The following ZNF185 variants were observed in gnomAD, a reference collection of about 807,000 sequenced individuals.
The protein encoded by ZNF185 is zinc finger protein 185.
A neutral mutation model predicts 58.6 loss-of-function variants in ZNF185; 56 were observed. The ratio of observed to expected loss-of-function variants is 0.95; its 90% CI spans 0.77 to 1.19. The LOEUF (loss-of-function observed/expected upper bound fraction) is 1.19. Among genes scored for constraint, ZNF185 ranks in the 50% most tolerant of loss-of-function variants. The probability of loss-of-function intolerance (pLI) is 0.00; values close to 1 mark genes in which losing one functional copy is unlikely to be tolerated. For missense variants in ZNF185, 627 were observed against 573.5 expected (o/e 1.09, Z -0.95); for synonymous variants, 230 against 215.9 (o/e 1.07, Z -0.57).
At chrX:152,921,190 G>A (rs528167035) in intron 9 of ZNF185, among the ~76,000 whole-genome samples, 3 of 112,078 alleles carry the variant, frequency 2.7e-5, no homozygotes, top group African/African-American at 9.7e-5. Flanking sequence ...TCAGAACGTC[G>A]GGATACTCCA....
intron 14 of ZNF185, among the ~76,000 whole-genome samples, chrX:152,937,573 G>C (rs1469199876): frequency 8.9e-6 from 1 of 111,957 alleles, no homozygotes. Flanking sequence ...GCTATGTTGA[G>C]CTGAGCCAAG....
Position 152,917,335 on chromosome X carries a change from T to C in ZNF185, c.314T>C (p.Phe105Ser), listed in dbSNP as rs782056168. ...AGCTCTTCCCAGCCCCAGCAGCAGT[T>C]CCCCAAGGCCAACGGGACTCCAAAA... Residue 105 changes from phenylalanine to serine, a missense_variant, in exon 5 of 23, where the codon TTC becomes TCC. By Grantham distance (155) the Phe-to-Ser change is radical. Transcript: ENST00000449285. 54 of 1,210,125 alleles carry C rather than the reference T, an allele frequency of 4.5e-5. No individual in the cohort carries two copies. The highest frequency in any genetic ancestry group is 5.5e-5 in the Non-Finnish European group (49 of 895,221).
rs782482325 is a variant in ZNF185 at position 152,924,661 on chromosome X, C to G, written c.830+1852C>G. Among the ~76,000 whole-genome samples the G allele has an allele frequency of 2.7e-5, 3 of 111,672 alleles. No individual in the cohort carries two copies. In the Admixed American group the frequency reaches 2.8e-4, roughly 11 times the overall value. ...GAAAGGCAATAAATGGTTTCAGGTGCCTTTCTGTTTGTTCGTTTGTTTGTT... is the reference window on the plus strand; with the variant it reads ...GAAAGGCAATAAATGGTTTCAGGTGGCTTTCTGTTTGTTCGTTTGTTTGTT... On this transcript the variant is annotated intron_variant, in intron 11 of 22. Transcript: ENST00000449285.
intron 14 of ZNF185, among the ~76,000 whole-genome samples, chrX:152,934,919 G>A (rs2046086897): frequency 8.9e-6 from 1 of 111,911 alleles, no homozygotes; most frequent in African/African-American, 3.2e-5. Context: ...AACCTCTGGG[G>A]CTCAAGGGAT....
intron 22 of ZNF185, among the ~76,000 whole-genome samples, chrX:152,970,768 C>T (rs782542231): frequency 7.2e-5 from 8 of 111,248 alleles, no homozygotes; most frequent in Non-Finnish European, 9.4e-5. Context: ...TCACACCTTC[C>T]GTCCAGCACC....
intron 16 of ZNF185, among the ~76,000 whole-genome samples, chrX:152,948,887 C>T: frequency 9.0e-6 from 1 of 111,465 alleles, no homozygotes; most frequent in South Asian, 3.8e-4. Flanking sequence ...AATGGGATCT[C>T]CAGTGGCAGT....
At chrX:152,931,859 G>C (rs1306341131) in intron 13 of ZNF185, 83 bp downstream of exon 14, 3 of 848,615 alleles carry the variant, frequency 3.5e-6, no homozygotes, top group Non-Finnish European at 1.6e-6. Flanking sequence ...CATGGCCTCC[G>C]GTGCAATGTC....
At chrX:152,911,606 CCCCA>C (rs1388044961), upstream of ZNF185, among the ~76,000 whole-genome samples, 1 of 48,619 alleles carries the variant, frequency 2.1e-5, no homozygotes, top group Non-Finnish European at 3.7e-5. Context: ...CATTTGCCCA[CCCCA>C]CCCACCCCAC....
the ZNF185 span, among the ~76,000 whole-genome samples, chrX:152,901,410 G>C: frequency 9.3e-6 from 1 of 107,864 alleles, no homozygotes; most frequent in East Asian, 2.9e-4. Flanking sequence ...GTGCCACCAT[G>C]CCAGCACTGT....
At chrX:152,898,702 TG>T in the ZNF185 span, among the ~76,000 whole-genome samples, 1 of 112,224 alleles carries the variant, frequency 8.9e-6, no homozygotes, top group African/African-American at 3.2e-5. Flanking sequence ...GTGAGGTGCA[TG>T]TGCTGGGTAC....
chrX:152,940,975 C>G, intron 15 of ZNF185, among the ~76,000 whole-genome samples: 1 of 112,080 alleles, frequency 8.9e-6, no homozygotes, highest in East Asian at 2.8e-4. Context: ...TGACCTTCCC[C>G]TTTCTCATCA....
chrX:152,962,128 A>T lies in ZNF185; in HGVS notation c.1608-1711A>T, dbSNP rs2049561632. On this transcript the variant is annotated intron_variant, in intron 17 of 22. Coordinates refer to ENST00000449285, the Ensembl canonical transcript of ZNF185. ...GAGAGGCATTGTGGACAAAGAAGATAGGGAGGAGGGCCTGAACAATGAGCC... is the reference window on the plus strand; with the variant it reads ...GAGAGGCATTGTGGACAAAGAAGATTGGGAGGAGGGCCTGAACAATGAGCC... Among the ~76,000 whole-genome samples the T allele has an allele frequency of 2.7e-5, 3 of 111,164 alleles. 1 individual carries two copies. Among genetic ancestry groups the T allele is most frequent in the Admixed American group, 9.5e-5 (1 of 10,478 alleles).
chrX:152,971,499 C>T (rs1352976527), exon 23 of ZNF185: 5 of 112,188 alleles, frequency 4.5e-5, no homozygotes, highest in East Asian at 2.8e-4. Flanking sequence ...GCTTAGAAAG[C>T]GCTTTATGCC....
intron 14 of ZNF185, among the ~76,000 whole-genome samples, chrX:152,935,302 C>A (rs1324596512): frequency 2.9e-5 from 3 of 104,189 alleles, no homozygotes; most frequent in Admixed American, 2.1e-4. Context: ...CTGGTGCGAT[C>A]TCGGCTCACT....
the ZNF185 span, among the ~76,000 whole-genome samples, chrX:152,899,388 A>C: frequency 8.8e-6 from 1 of 113,176 alleles, no homozygotes; most frequent in African/African-American, 3.2e-5. Flanking sequence ...CAAGTGGCCA[A>C]GACACAGATG....
At chrX:152,967,229 A>G (rs781968943) in exon 20 of ZNF185, 27 of 1,208,801 alleles carry the variant, frequency 2.2e-5, no homozygotes, top group Non-Finnish European at 2.9e-5. Flanking sequence ...AGCACTCCAT[A>G]CTCTGAGAGG....
intron 3 of ZNF185, among the ~76,000 whole-genome samples, chrX:152,916,843 C>T (rs1367973043): frequency 8.9e-6 from 1 of 112,610 alleles, no homozygotes; most frequent in East Asian, 2.8e-4. Flanking sequence ...ACTGGCTGGC[C>T]AAGGAGAAGC....
chrX:152,971,905 A>G (rs782080853), exon 23 of ZNF185: 1 of 112,060 alleles, frequency 8.9e-6, no homozygotes, highest in Non-Finnish European at 1.9e-5. Flanking sequence ...AAATTTACAC[A>G]ATTAGGTTTA....
chrX:152,967,015 C>T (rs1445751220), intron 19 of ZNF185, among the ~76,000 whole-genome samples, 152 bp from the exon 22 acceptor site: 1 of 111,473 alleles, frequency 9.0e-6, no homozygotes. Flanking sequence ...CCTTTGCCCC[C>T]CCATAGAAGG....
Sources: gnomAD v4.1 joint callset for allele counts (sites outside exome capture counted in the v4.1 genomes callset) on GRCh38, gnomAD v4.1.1 for gene constraint, MANE v1.5 for transcripts, NCBI Gene and HGNC (gene_info 2026-07-23, HGNC 2026-07-21) for gene names.